Variants in GRID2IP observed in about 807,000 individuals in gnomAD.
GRID2IP encodes delphilin.
Under a neutral mutation model 114.3 loss-of-function variants are expected in GRID2IP, and 78 were observed. That is an observed-to-expected ratio of 0.68 (90% CI 0.57 to 0.82). GRID2IP has a LOEUF of 0.82. Ranked by LOEUF, GRID2IP falls within the 40% of genes least tolerant of loss-of-function variation. The pLI is 0.00. For missense variants in GRID2IP, 1,727 were observed against 1,678.5 expected (o/e 1.03, Z -0.51); for synonymous variants, 809 against 724.0 (o/e 1.12, Z -1.89).
intron 4 of GRID2IP, among the ~76,000 whole-genome samples, chr7:6,524,449 C>T (rs1007259850): frequency 2.0e-5 from 3 of 152,160 alleles, no homozygotes; most frequent in African/African-American, 7.2e-5. Flanking sequence ...CTCTAGGAGA[C>T]ACTTCTGCCC....
chr7:6,512,573 C>T (rs1028232931), intron 8 of GRID2IP, among the ~76,000 whole-genome samples: 2 of 151,336 alleles, frequency 1.3e-5, no homozygotes, highest in Admixed American at 6.6e-5. Context: ...TGTAGTGGTG[C>T]GATCTCAGCT....
At chr7:6,533,682 T>TC (rs1342220318) in intron 2 of GRID2IP, among the ~76,000 whole-genome samples, 1 of 151,172 alleles carries the variant, frequency 6.6e-6, no homozygotes, top group Non-Finnish European at 1.5e-5. Flanking sequence ...AACTTTTTTT[T>TC]TTTTTTTTTT....
chr7:6,502,132 C>G lies in GRID2IP; in HGVS notation c.3151-14G>C. On this transcript the variant is annotated splice_polypyrimidine_tract_variant and intron_variant, in intron 18 of 21. Transcript: ENST00000457091. ...GGTGGAGTTCAGCTGCAAGTGACCCCCAATATACATTCCCGTCAAGGACCC... is the reference window on the plus strand; with the variant it reads ...GGTGGAGTTCAGCTGCAAGTGACCCGCAATATACATTCCCGTCAAGGACCC... 6.4e-7 allele frequency: 1 copy of G among 1,550,826 alleles called. No individual in the cohort carries two copies.
At position 6,526,111 on chromosome 7, in the gene GRID2IP, G is replaced by A. The variant is rs567088929; in HGVS notation, c.919+113C>T. 15 of 761,938 alleles carry A rather than the reference G, an allele frequency of 2.0e-5. No homozygotes were observed. In the African/African-American group the frequency reaches 2.6e-4, roughly 13 times the overall value. The allele number at this position is 761,938 out of a possible 1,614,324, so 47.2% of individuals were successfully genotyped here. On this transcript the variant is annotated intron_variant, in intron 4 of 21. Coordinates refer to ENST00000457091, the MANE Select transcript of GRID2IP (RefSeq NM_001145118.2). This position sits in a 1 kb window ranked among gnomAD's most constrained non-coding sequence, Gnocchi z 7.6. ...CACAAGGATGGTACCTGACGTGGAG[G>A]GGTTGCTGAGCAGGAGCCTACATGG...
chr7:6,551,319 CATGCGCG>C lies in GRID2IP; in HGVS notation c.111_117del (p.Ser37ArgfsTer22). ...TGGTCTCCTGGCCGCAGTCCTCCGG[CATGCGCG>C]CTGCTCCCCTTGGCCACCTCCAGGA... On this transcript the variant is annotated frameshift_variant, in exon 1 of 22. Coordinates refer to ENST00000457091, the MANE Select transcript of GRID2IP (RefSeq NM_001145118.2). LOFTEE classifies it high-confidence loss of function. 6.5e-7 allele frequency: 1 copy of C among 1,546,206 alleles called. No homozygotes were observed. Among genetic ancestry groups the C allele is most frequent in the Non-Finnish European group, 8.7e-7 (1 of 1,146,658 alleles).
intron 2 of GRID2IP, chr7:6,531,024 G>A (rs1176438759): frequency 4.6e-6 from 3 of 645,380 alleles, no homozygotes; most frequent in East Asian, 3.3e-5. Context: ...GTGGCGCAGA[G>A]GGCGCACGGT....
chr7:6,530,943 G>A, intron 2 of GRID2IP: 2 of 511,606 alleles, frequency 3.9e-6, no homozygotes. Context: ...CTCGGAGGGT[G>A]CCCACCCAGG....
At position 6,502,772 on chromosome 7, in the gene GRID2IP, G is replaced by T; in HGVS notation, c.3150+14C>A. The T allele has an allele frequency of 6.5e-7, 1 of 1,542,378 alleles. No individual in the cohort carries two copies. Among genetic ancestry groups the T allele is most frequent in the Non-Finnish European group, 8.8e-7 (1 of 1,138,466 alleles). On this transcript the variant is annotated intron_variant, in intron 18 of 21. Transcript: ENST00000457091. ...AGAGCAAACCAGTCGATTGCTGCCG[G>T]CAGGTCCCCTCACCTCTGTCAGAAA...
At position 6,536,280 on chromosome 7, in the gene GRID2IP, C is replaced by G. The variant is rs1779720953; in HGVS notation, c.584+3438G>C. Among the ~76,000 whole-genome samples, 1 of 152,224 alleles carries G rather than the reference C, an allele frequency of 6.6e-6. No individual in the cohort carries two copies. The highest frequency in any genetic ancestry group is 1.5e-5 in the Non-Finnish European group (1 of 68,034). On this transcript the variant is annotated intron_variant, in intron 2 of 21. Coordinates refer to ENST00000457091, the MANE Select transcript of GRID2IP (RefSeq NM_001145118.2). The surrounding 1 kb of genome is among the most constrained non-coding windows in gnomAD (Gnocchi z 5.3). ...GCCGCCCCTTCCTCCAGCAGCCTCC[C>G]CAGTTTTCCTGGCGCACTTGACACG...
At chr7:6,531,223 C>T in intron 2 of GRID2IP, 1 of 438,574 alleles carries the variant, frequency 2.3e-6, no homozygotes, top group Non-Finnish European at 4.0e-6. Context: ...CGGCCCCTCC[C>T]GAGCCGTCCC....
At chr7:6,538,644 G>A (rs1482685329) in intron 2 of GRID2IP, among the ~76,000 whole-genome samples, 1 of 152,162 alleles carries the variant, frequency 6.6e-6, no homozygotes, top group East Asian at 1.9e-4. Flanking sequence ...TTGGGAGGCC[G>A]AGGTGGGTGG....
rs368616202 is a variant in GRID2IP, at chr7:6,501,999, C to T, written c.3270G>A (p.Leu1090=). The T allele has an allele frequency of 6.4e-5, 100 of 1,551,264 alleles. No homozygotes were observed. The highest frequency in any genetic ancestry group is 8.2e-5 in the Non-Finnish European group (94 of 1,146,918). ...ACCCACCCAGCATACCTTTGGCAGC[C>T]AGGGGCACGGTGGGCAGGTCCTGAG... ...GFAQDLPTVP[L]AAKVNQRALT... The change falls in exon 19 of 22, where the codon CTG becomes CTA. Residue 1090 remains leucine, a synonymous_variant. Transcript: ENST00000457091.
Position 6,497,697 on chromosome 7 carries a change from G to T in GRID2IP, c.*77C>A. 9.0e-7 allele frequency: 1 copy of T among 1,111,520 alleles called. No individual in the cohort carries two copies. The highest frequency in any genetic ancestry group is 2.4e-5 in the Admixed American group (1 of 42,006). 68.9% of individuals were successfully genotyped at this position (1,111,520 alleles called of 1,614,324 possible). On this transcript the variant is annotated 3_prime_UTR_variant, in exon 22 of 22. Transcript: ENST00000457091. ...CAGAGCCCGGGGCACAGTGGCCCCG[G>T]ACCTCGGCAGTGTCTGGGCTGCCCT...
At chr7:6,513,434 A>G (rs1166190024) in intron 8 of GRID2IP, among the ~76,000 whole-genome samples, 1 of 150,520 alleles carries the variant, frequency 6.6e-6, no homozygotes, top group African/African-American at 2.5e-5. Flanking sequence ...TGCCCAGGCT[A>G]ATCTTGAGCT....
chr7:6,521,385 G>T lies in GRID2IP; in HGVS notation c.1084+44C>A. 4.4e-6 allele frequency: 6 copies of T among 1,374,728 alleles called. No homozygotes were observed. Among genetic ancestry groups the T allele is most frequent in the Non-Finnish European group, 5.0e-6 (5 of 1,006,652 alleles). 85.2% of individuals were successfully genotyped at this position (1,374,728 alleles called of 1,614,324 possible). On this transcript the variant is annotated intron_variant, in intron 6 of 21. Transcript: ENST00000457091. This position sits in a 1 kb window ranked among gnomAD's most constrained non-coding sequence, Gnocchi z 4.1. ...CTCTCACATATAGCAGCCTGGGCAGGGTCTCTGGGGGCCAAGGAAGCCAAG... is the reference window on the plus strand; with the variant it reads ...CTCTCACATATAGCAGCCTGGGCAGTGTCTCTGGGGGCCAAGGAAGCCAAG...
intron 1 of GRID2IP, among the ~76,000 whole-genome samples, chr7:6,542,589 T>C (rs1276744925): frequency 6.6e-6 from 1 of 152,064 alleles, no homozygotes; most frequent in African/African-American, 2.4e-5. Context: ...GCTCAGGAAG[T>C]TGAGGCTGCA....
chr7:6,520,729 A>G lies in GRID2IP; in HGVS notation c.1117T>C (p.Ser373Pro), dbSNP rs779626890. The G allele has an allele frequency of 2.6e-6, 4 of 1,551,588 alleles. No individual in the cohort carries two copies. Among genetic ancestry groups the G allele is most frequent in the Non-Finnish European group, 3.5e-6 (4 of 1,146,924 alleles). Reference sequence around the variant, plus strand: ...ACCCACTGCAGGGAGGTGAGCGCCGACGACGGGTTGGGTGAGTCCAGAGAA... The same window carrying G: ...ACCCACTGCAGGGAGGTGAGCGCCGGCGACGGGTTGGGTGAGTCCAGAGAA... ...SDSLDSPNPS[S>P]ALTSLQWVAE... The change falls in exon 7 of 22, where the codon TCG (serine) becomes CCG (proline). Residue 373 changes from serine (S) to proline (P), a missense_variant. Physicochemically the swap from Ser to Pro is moderately conservative, Grantham distance 74. Transcript: ENST00000457091. This position sits in a 1 kb window ranked among gnomAD's most constrained non-coding sequence, Gnocchi z 4.6.
chr7:6,515,877 T>A (rs983842786), intron 7 of GRID2IP, among the ~76,000 whole-genome samples: 1 of 151,880 alleles, frequency 6.6e-6, no homozygotes, highest in Admixed American at 6.6e-5. Flanking sequence ...GGTGGGTGGA[T>A]CACGAGCTCA....
chr7:6,527,510 G>A (rs1432174683), intron 2 of GRID2IP, among the ~76,000 whole-genome samples: 1 of 152,232 alleles, frequency 6.6e-6, no homozygotes, highest in Non-Finnish European at 1.5e-5. Context: ...TGCTCTCAAA[G>A]TAGTTACCTT....
Sources: allele counts gnomAD v4.1 joint callset (sites outside exome capture counted in the v4.1 genomes callset), GRCh38; gene constraint gnomAD v4.1.1; non-coding constraint Gnocchi (gnomAD v3.1); transcripts MANE v1.5; gene names NCBI Gene and HGNC (gene_info 2026-07-23, HGNC 2026-07-21).